KCNN3: variants seen among roughly 807,000 people sequenced by gnomAD.
KCNN3 encodes the protein small conductance calcium-activated potassium channel protein 3.
KCNN3 carries 16 observed loss-of-function variants against 62.9 expected under a neutral mutation model. The ratio of observed to expected loss-of-function variants is 0.25; its 90% confidence interval spans 0.17 to 0.39. KCNN3 has a LOEUF of 0.39. Among genes scored for constraint, KCNN3 ranks in the 10% least tolerant of loss-of-function variants. The pLI is 1.00. For missense variants in KCNN3, 599 were observed against 949.4 expected (o/e 0.63, Z 4.85); for synonymous variants, 370 against 389.2 (o/e 0.95, Z 0.58).
chr1:154,768,464 G>C (rs1648396346), intron 3 of KCNN3, among the ~76,000 whole-genome samples: 1 of 152,194 alleles, frequency 6.6e-6, no homozygotes, highest in South Asian at 2.1e-4. Context: ...AGTTTTACTG[G>C]GGCTGCTCTC....
intron 1 of KCNN3, among the ~76,000 whole-genome samples, chr1:154,848,512 G>A (rs911610429): frequency 2.6e-5 from 4 of 152,080 alleles, no homozygotes; most frequent in African/African-American, 7.2e-5. Context: ...TGTGCCTTTA[G>A]ACAAAAGTGC....
chr1:154,732,835 T>C (rs1385174052), intron 4 of KCNN3, among the ~76,000 whole-genome samples, 168 bp downstream of exon 4: 3 of 152,188 alleles, frequency 2.0e-5, no homozygotes, highest in Admixed American at 6.5e-5. Flanking sequence ...GAGAAACCAT[T>C]GCAGATTTCC....
chr1:154,815,313 C>G (rs1262674135), intron 2 of KCNN3, among the ~76,000 whole-genome samples: 1 of 152,224 alleles, frequency 6.6e-6, no homozygotes, highest in Non-Finnish European at 1.5e-5. Context: ...AGGACAGGCA[C>G]AGCTTCCTTC....
intron 1 of KCNN3, among the ~76,000 whole-genome samples, chr1:154,833,648 G>T (rs1266569154): frequency 6.6e-6 from 1 of 152,206 alleles, no homozygotes; most frequent in African/African-American, 2.4e-5. Flanking sequence ...AACAGAAAGG[G>T]CTGATAATGC....
rs1180480604 is a variant in KCNN3 at position 154,839,646 on chromosome 1, C to T, written c.934-17462G>A. On this transcript the variant is annotated intron_variant, in intron 1 of 7. Coordinates refer to ENST00000271915, the MANE Select transcript of KCNN3 (RefSeq NM_002249.6). ...GAGTGAGGGTTGCTGGACTCAGACC[C>T]CCGCTCAGCTCTCACTCGACAAGGC... 2.0e-5 allele frequency among the ~76,000 whole-genome samples: 3 copies of T among 152,304 alleles called. No individual in the cohort carries two copies. In the East Asian group the frequency reaches 5.8e-4, roughly 29 times the overall value.
chr1:154,744,925 CA>C (rs5777930), intron 3 of KCNN3, among the ~76,000 whole-genome samples: 58,796 of 132,388 alleles, frequency 0.44, 11,600 homozygotes, highest in East Asian at 0.58. Context: ...CACATTAAGG[CA>C]AAAAAAAAAA....
chr1:154,804,417 C>A (rs1335329011), intron 2 of KCNN3, among the ~76,000 whole-genome samples: 1 of 152,192 alleles, frequency 6.6e-6, no homozygotes, highest in Non-Finnish European at 1.5e-5. Flanking sequence ...CATGGTGAAT[C>A]CCCACATCAT....
chr1:154,763,914 TCA>T (rs934580317), intron 3 of KCNN3, among the ~76,000 whole-genome samples: 3 of 152,342 alleles, frequency 2.0e-5, no homozygotes, highest in African/African-American at 4.8e-5. Flanking sequence ...TGTATAAAAT[TCA>T]CAGTTTTACT....
At chr1:154,743,277 T>C (rs1700864827) in intron 3 of KCNN3, among the ~76,000 whole-genome samples, 1 of 152,154 alleles carries the variant, frequency 6.6e-6, no homozygotes, top group Admixed American at 6.5e-5. Flanking sequence ...ACTGCAGTAG[T>C]TGCCTCACTG....
At position 154,702,930 on chromosome 1, in the gene KCNN3, A is replaced by T. The variant is rs1699886810; in HGVS notation, c.*5046T>A. On this transcript the variant is annotated 3_prime_UTR_variant, in exon 8 of 8. Coordinates refer to ENST00000271915, the MANE Select transcript of KCNN3 (RefSeq NM_002249.6). Reference sequence around the variant, plus strand: ...CCAGGATACATTTTTCAGGTGTGTAAACAACTGTCACAGGGCACTTGGCAC... The same window carrying T: ...CCAGGATACATTTTTCAGGTGTGTATACAACTGTCACAGGGCACTTGGCAC... The T allele has an allele frequency of 1.3e-5, 2 of 151,390 alleles. No individual in the cohort carries two copies. The highest frequency in any genetic ancestry group is 4.9e-5 in the African/African-American group (2 of 41,194). The allele number at this position is 151,390 out of a possible 1,614,324, so 9.4% of individuals were successfully genotyped here.
At chr1:154,825,961 C>T (rs1008417405) in intron 1 of KCNN3, among the ~76,000 whole-genome samples, 5 of 150,818 alleles carry the variant, frequency 3.3e-5, no homozygotes, top group Admixed American at 6.6e-5. Context: ...GGCAGGAGAA[C>T]GGCATGAACC....
intron 2 of KCNN3, among the ~76,000 whole-genome samples, chr1:154,791,187 C>T (rs1042304751): frequency 6.7e-6 from 1 of 149,410 alleles, no homozygotes; most frequent in African/African-American, 2.5e-5. Flanking sequence ...CAAGATCGCA[C>T]CACCGCACTC....
At chr1:154,752,062 C>A (rs147230254) in intron 3 of KCNN3, among the ~76,000 whole-genome samples, 109 of 152,244 alleles carry the variant, frequency 7.2e-4, no homozygotes, top group African/African-American at 2.4e-3. Context: ...GAAAGTCCTC[C>A]GGGTGTTAAG....
chr1:154,843,158 T>C (rs1380356027), intron 1 of KCNN3, among the ~76,000 whole-genome samples: 1 of 152,050 alleles, frequency 6.6e-6, no homozygotes, highest in African/African-American at 2.4e-5. Context: ...AACCCCAGCC[T>C]GTTTGTAGCC....
chr1:154,855,625 G>A (rs1348396738), intron 1 of KCNN3, among the ~76,000 whole-genome samples: 1 of 152,204 alleles, frequency 6.6e-6, no homozygotes, highest in East Asian at 1.9e-4. Context: ...GTCTGTGTAA[G>A]TGCACTGCAT....
At chr1:154,833,329 G>A (rs952629826) in intron 1 of KCNN3, among the ~76,000 whole-genome samples, 3 of 152,112 alleles carry the variant, frequency 2.0e-5, no homozygotes, top group South Asian at 2.1e-4. Flanking sequence ...AAAAACAACC[G>A]CCTGCAGGCT....
At chr1:154,793,007 C>T (rs1649582845) in intron 2 of KCNN3, among the ~76,000 whole-genome samples, 1 of 152,154 alleles carries the variant, frequency 6.6e-6, no homozygotes, top group Non-Finnish European at 1.5e-5. Flanking sequence ...GTCCTCGGTT[C>T]TGTACCAAGA....
chr1:154,708,318 C>A (rs2101754639), intron 7 of KCNN3, 46 bp from the exon 8 acceptor site: 1 of 1,592,906 alleles, frequency 6.3e-7, no homozygotes, highest in South Asian at 1.1e-5. Flanking sequence ...GACAGGTCAT[C>A]ACAGAGGAAT....
Position 154,772,226 on chromosome 1 carries a change from C to T in KCNN3, c.1197G>A (p.Ala399=), listed in dbSNP as rs748238359. The T allele has an allele frequency of 1.4e-5, 22 of 1,614,120 alleles. No homozygotes were observed. The highest frequency in any genetic ancestry group is 9.9e-5 in the South Asian group (9 of 91,090). The stretch of plus-strand genomic sequence containing the variant: ...ACAGGATGATGTCCACATCGGCCTC[C>T]GCCCGGGAGGGTGTGTAGGAGAAGG... ...RLAFSYTPSR[A]EADVDIILSI... is the part of the protein sequence containing the mutation. Residue 399 remains alanine (A), a synonymous_variant, in exon 3 of 8, where the codon GCG becomes GCA. Transcript: ENST00000271915. The surrounding 1 kb of genome is among the most constrained non-coding windows in gnomAD (Gnocchi z 5.6).
Sources: gnomAD v4.1 joint callset for allele counts (sites outside exome capture counted in the v4.1 genomes callset) on GRCh38, gnomAD v4.1.1 for gene constraint, Gnocchi (gnomAD v3.1) non-coding constraint, MANE v1.5 for transcripts, NCBI Gene and HGNC (gene_info 2026-07-23, HGNC 2026-07-21) for gene names.